The following FBH1 variants were observed in gnomAD, a reference collection of about 807,000 sequenced individuals.
FBH1 encodes the protein DNA 3'-5' helicase 1.
In FBH1, 43 loss-of-function variants were observed where a neutral mutation model predicts 115.5. That is an observed-to-expected ratio of 0.37 (90% CI 0.29 to 0.48). The LOEUF (loss-of-function observed/expected upper bound fraction) is 0.48, where lower values mean the gene tolerates loss of function less well. Among genes scored for constraint, FBH1 ranks in the 20% least tolerant of loss-of-function variants. FBH1 has a pLI of 0.99. For missense variants in FBH1, 1,001 were observed against 1,337.3 expected (o/e 0.75, Z 3.92); for synonymous variants, 524 against 507.8 (o/e 1.03, Z -0.43).
In FBH1 at chr10:5,917,821, C is replaced by A; in HGVS notation, c.1963+145C>A. On this transcript the variant is annotated intron_variant, in intron 12 of 20. Transcript: ENST00000362091. This position sits in a 1 kb window ranked among gnomAD's most constrained non-coding sequence, Gnocchi z 5.6. ...TTCATACTTACCTTAGGATTTCAAG[C>A]TGCCCCTTCCCCTCACCCAAGCAGA... 1.4e-6 allele frequency: 1 copy of A among 732,468 alleles called. No individual in the cohort carries two copies. The highest frequency in any genetic ancestry group is 2.3e-6 in the Non-Finnish European group (1 of 443,504). 45.4% of individuals were successfully genotyped at this position (732,468 alleles called of 1,614,324 possible). A position where few individuals can be genotyped will look rare whatever the true frequency, so the allele number is the denominator to read the frequency against.
chr10:5,899,953 CTGT>C (rs1297923767), intron 1 of FBH1, among the ~76,000 whole-genome samples: 1 of 152,180 alleles, frequency 6.6e-6, no homozygotes, highest in African/African-American at 2.4e-5. Context: ...AGATGATTTG[CTGT>C]TGTTTTCCTC....
intron 19 of FBH1, among the ~76,000 whole-genome samples, chr10:5,930,599 G>T (rs1374239239): frequency 6.6e-6 from 1 of 152,234 alleles, no homozygotes; most frequent in Non-Finnish European, 1.5e-5. Flanking sequence ...ACATGAGGAG[G>T]CTCACAGCCT....
At chr10:5,916,547 T>C (rs1831953987) in intron 10 of FBH1, 91 bp downstream of exon 10, 3 of 1,234,676 alleles carry the variant, frequency 2.4e-6, no homozygotes, top group African/African-American at 1.6e-5. Flanking sequence ...ACAGGGGAAG[T>C]GTTAGGGGTC....
At position 5,913,479 on chromosome 10, in the gene FBH1, C is replaced by T. The variant is rs1263043054; in HGVS notation, c.1212-268C>T. Among the ~76,000 whole-genome samples the T allele has an allele frequency of 1.3e-5, 2 of 152,136 alleles. No individual in the cohort carries two copies. Among genetic ancestry groups the T allele is most frequent in the African/African-American group, 4.8e-5 (2 of 41,408 alleles). Reference sequence around the variant, plus strand: ...GTTTGTCTCTTCAAGTCACAGCTGGCGCCCCTCATTCCCTGAAGAGCCCGT... The same window carrying T: ...GTTTGTCTCTTCAAGTCACAGCTGGTGCCCCTCATTCCCTGAAGAGCCCGT... On this transcript the variant is annotated intron_variant, in intron 6 of 20. Transcript: ENST00000362091. The surrounding 1 kb of genome is among the most constrained non-coding windows in gnomAD (Gnocchi z 4.4).
In FBH1 at chr10:5,913,834, G is replaced by GC; in HGVS notation, c.1301dup (p.Gly435ArgfsTer10). ...AAGTTAAAGAGGAGCCATCTGTCTG[G>GC]CCAGGGTATGTGTATATGTGCGTCA... On this transcript the variant is annotated frameshift_variant, in exon 7 of 21. Transcript: ENST00000362091. LOFTEE classifies it high-confidence loss of function. The surrounding 1 kb of genome is among the most constrained non-coding windows in gnomAD (Gnocchi z 4.4). 1 of 1,598,750 alleles carries GC rather than the reference G, an allele frequency of 6.3e-7. No homozygotes were observed. Among genetic ancestry groups the GC allele is most frequent in the Non-Finnish European group, 8.5e-7 (1 of 1,175,138 alleles).
Position 5,895,638 on chromosome 10 carries a change from T to C in FBH1, c.1+5292T>C, listed in dbSNP as rs1299137095. 2.6e-5 allele frequency among the ~76,000 whole-genome samples: 4 copies of C among 152,166 alleles called. No individual in the cohort carries two copies. Among genetic ancestry groups the C allele is most frequent in the African/African-American group, 9.6e-5 (4 of 41,452 alleles). Reference sequence around the variant, plus strand: ...AACAATCTAAGGAGGCTACAGGTCATGGTGGTGGTTGGAGTTTGTGTGTGT... The same window carrying C: ...AACAATCTAAGGAGGCTACAGGTCACGGTGGTGGTTGGAGTTTGTGTGTGT... On this transcript the variant is annotated intron_variant, in intron 1 of 20. Transcript: ENST00000362091. The surrounding 1 kb of genome is among the most constrained non-coding windows in gnomAD (Gnocchi z 5.0).
chr10:5,921,466 C>T lies in FBH1; in HGVS notation c.2219C>T (p.Ala740Val). The T allele has an allele frequency of 2.5e-6, 4 of 1,602,856 alleles. No homozygotes were observed. The highest frequency in any genetic ancestry group is 3.4e-6 in the Non-Finnish European group (4 of 1,176,822). ...CCTAAAGGTGGCATTAGAGGTGACG[C>T]AAAGGGGCAAGTGGCCTTGTTGTCC... The part of the protein sequence containing the change: ...GNHQSGIRGD[A>V]KGQVALLSRT... Residue 740 changes from alanine to valine, a missense_variant, in exon 15 of 21, where the codon GCA becomes GTA. Ala to Val is a moderately conservative substitution (Grantham distance 64, BLOSUM62 0). Transcript: ENST00000362091. The surrounding 1 kb of genome is among the most constrained non-coding windows in gnomAD (Gnocchi z 6.4).
rs564792244 is a variant in FBH1 at position 5,900,706 on chromosome 10, G to C, written c.2-2314G>C. Among the ~76,000 whole-genome samples the C allele has an allele frequency of 3.9e-5, 6 of 152,284 alleles. No homozygotes were observed. The South Asian group carries it at 8.3e-4, about 21-fold the overall frequency. On this transcript the variant is annotated intron_variant, in intron 1 of 20. Coordinates refer to ENST00000362091, the MANE Select transcript of FBH1 (RefSeq NM_178150.3). The surrounding 1 kb of genome is among the most constrained non-coding windows in gnomAD (Gnocchi z 4.2). Reference sequence around the variant, plus strand: ...AAAAAGTTAACTGAAATTTGGAAGGGTGATTTCTGAATTAGCTAGGGAGGA... The same window carrying C: ...AAAAAGTTAACTGAAATTTGGAAGGCTGATTTCTGAATTAGCTAGGGAGGA...
rs554383505 is a variant in FBH1, at chr10:5,902,092, T to C, written c.2-928T>C. Among the ~76,000 whole-genome samples the C allele has an allele frequency of 1.4e-4, 22 of 152,238 alleles. No individual in the cohort carries two copies. The South Asian group carries it at 3.9e-3, about 27-fold the overall frequency. ...TGTAGTGTTTTGCTAAGGGAAGATATGAAGTTTTCTCCTCTAAAGGTCCTG... is the reference window on the plus strand; with the variant it reads ...TGTAGTGTTTTGCTAAGGGAAGATACGAAGTTTTCTCCTCTAAAGGTCCTG... On this transcript the variant is annotated intron_variant, in intron 1 of 20. Transcript: ENST00000362091.
upstream of FBH1, chr10:5,890,134 G>A (rs763479201): frequency 4.3e-5 from 14 of 325,010 alleles, no homozygotes; most frequent in South Asian, 1.5e-4. Flanking sequence ...CCGGTCTCGC[G>A]TCCCGATTGG....
Position 5,914,344 on chromosome 10 carries a change from G to A in FBH1, c.1396+75G>A. 2 of 1,215,608 alleles carry A rather than the reference G, an allele frequency of 1.6e-6. No homozygotes were observed. The highest frequency in any genetic ancestry group is 2.3e-5 in the East Asian group (1 of 43,046). 75.3% of individuals were successfully genotyped at this position (1,215,608 alleles called of 1,614,324 possible). On this transcript the variant is annotated intron_variant, in intron 8 of 20. Transcript: ENST00000362091. The surrounding 1 kb of genome is among the most constrained non-coding windows in gnomAD (Gnocchi z 5.2). ...TCCCTACATCCCCTTCCCGCTACCT[G>A]CCAGGGCATCTTTGCTCTGATCTGT...
In FBH1 at chr10:5,895,872, G is replaced by A. The variant is rs938653942; in HGVS notation, c.1+5526G>A. ...ATTGGCTGGCACCCAGCGGTAAGGC[G>A]ACATCCACCTGCACGCAGGACTGGG... On this transcript the variant is annotated intron_variant, in intron 1 of 20. Coordinates refer to ENST00000362091, the MANE Select transcript of FBH1 (RefSeq NM_178150.3). The surrounding 1 kb of genome is among the most constrained non-coding windows in gnomAD (Gnocchi z 5.0). Among the ~76,000 whole-genome samples, 1 of 152,190 alleles carries A rather than the reference G, an allele frequency of 6.6e-6. No individual in the cohort carries two copies. Among genetic ancestry groups the A allele is most frequent in the African/African-American group, 2.4e-5 (1 of 41,450 alleles).
rs1564464718 is a variant in FBH1, at chr10:5,931,418, C to T, written c.2829+3877C>T. ...TGCATTGTCAGAGGCTTTGGCCCTT[C>T]ACACGTTCAGCCATCATAAATTGTG... On this transcript the variant is annotated intron_variant, in intron 19 of 20. Coordinates refer to ENST00000362091, the MANE Select transcript of FBH1 (RefSeq NM_178150.3). This position sits in a 1 kb window ranked among gnomAD's most constrained non-coding sequence, Gnocchi z 4.3. 6.6e-6 allele frequency among the ~76,000 whole-genome samples: 1 copy of T among 152,224 alleles called. No homozygotes were observed. The highest frequency in any genetic ancestry group is 2.1e-4 in the South Asian group (1 of 4,830).
At chr10:5,903,986 T>C (rs1328367249) in intron 2 of FBH1, among the ~76,000 whole-genome samples, 1 of 152,210 alleles carries the variant, frequency 6.6e-6, no homozygotes, top group Non-Finnish European at 1.5e-5. Flanking sequence ...CCACTTTAGT[T>C]AATAAATCTA....
intron 1 of FBH1, among the ~76,000 whole-genome samples, chr10:5,896,663 C>T (rs1284708418): frequency 1.3e-5 from 2 of 152,102 alleles, no homozygotes; most frequent in Non-Finnish European, 2.9e-5. Flanking sequence ...ATTTCAACAA[C>T]TCTGGGGGCC....
At chr10:5,920,120 A>C (rs1589097221) in intron 13 of FBH1, among the ~76,000 whole-genome samples, 2 of 152,202 alleles carry the variant, frequency 1.3e-5, no homozygotes, top group East Asian at 3.8e-4. Context: ...AGTTGCTCAG[A>C]CTTTCCCTAT....
rs367725540 is a variant in FBH1 at position 5,917,460 on chromosome 10, G to A, written c.1829G>A (p.Arg610Gln). The A allele has an allele frequency of 1.5e-5, 25 of 1,614,200 alleles. No individual in the cohort carries two copies. The Admixed American group carries it at 2.2e-4, about 14-fold the overall frequency. ...LEASRLWDNM[R>Q]KLGECTEEAH... ...GCGAGCCGCCTCTGGGATAACATGC[G>A]GAAGCTGGGGGAGTGCACAGAAGAG... Residue 610 changes from arginine to glutamine, a missense_variant, in exon 11 of 21, where the codon CGG (arginine) becomes CAG (glutamine). Coordinates refer to ENST00000362091, the MANE Select transcript of FBH1 (RefSeq NM_178150.3). The surrounding 1 kb of genome is among the most constrained non-coding windows in gnomAD (Gnocchi z 5.6).
intron 1 of FBH1, among the ~76,000 whole-genome samples, chr10:5,891,657 T>G (rs1398872578): frequency 6.6e-6 from 1 of 152,238 alleles, no homozygotes; most frequent in Non-Finnish European, 1.5e-5. Flanking sequence ...TTGCTCCGGG[T>G]GGAGTGCAGT....
Position 5,897,722 on chromosome 10 carries a change from G to T in FBH1, c.2-5298G>T, listed in dbSNP as rs563268062. On this transcript the variant is annotated intron_variant, in intron 1 of 20. Transcript: ENST00000362091. This position sits in a 1 kb window ranked among gnomAD's most constrained non-coding sequence, Gnocchi z 4.7. ...CCGAACCTCAGTTCCTCCCAGGGTG[G>T]CTTCATGCCAGAACATATTGGAATA... 6.6e-6 allele frequency among the ~76,000 whole-genome samples: 1 copy of T among 152,220 alleles called. No homozygotes were observed. The highest frequency in any genetic ancestry group is 2.4e-5 in the African/African-American group (1 of 41,538).
Sources: gnomAD v4.1 joint callset for allele counts (sites outside exome capture counted in the v4.1 genomes callset) on GRCh38, gnomAD v4.1.1 for gene constraint, Gnocchi (gnomAD v3.1) non-coding constraint, MANE v1.5 for transcripts, NCBI Gene and HGNC (gene_info 2026-07-23, HGNC 2026-07-21) for gene names.